Variants in SNX2 observed in about 807,000 individuals in gnomAD.
The protein encoded by SNX2 is sorting nexin 2.
In SNX2, 25 loss-of-function variants were observed where a neutral mutation model predicts 69.9. The ratio of observed to expected loss-of-function variants is 0.36; its 90% CI spans 0.26 to 0.50. SNX2 has a LOEUF of 0.50. Among genes scored for constraint, SNX2 ranks in the 20% least tolerant of loss-of-function variants. The pLI is 0.97. For synonymous variants in SNX2, 229 were observed against 200.4 expected (o/e 1.14, Z -1.20); for missense variants, 551 against 613.3 (o/e 0.90, Z 1.07).
At chr5:122,815,842 G>T in intron 7 of SNX2, 54 bp from the exon 8 acceptor site, 1 of 915,974 alleles carries the variant, frequency 1.1e-6, no homozygotes, top group South Asian at 1.7e-5. Context: ...TCATTTTGTT[G>T]AACTGTAATT....
At chr5:122,804,806 G>A (rs1339806275) in intron 6 of SNX2, among the ~76,000 whole-genome samples, 2 of 152,140 alleles carry the variant, frequency 1.3e-5, no homozygotes, top group African/African-American at 4.8e-5. Flanking sequence ...TGCTTTTTCA[G>A]TCATAGGTTT....
At chr5:122,827,518 G>C (rs751462112) in intron 13 of SNX2, 57 bp from the exon 14 acceptor site, 66 of 1,603,592 alleles carry the variant, frequency 4.1e-5, no homozygotes, top group Non-Finnish European at 5.5e-5. Context: ...CTGCAATTTT[G>C]TGGTAAAGTT....
chr5:122,779,410 CG>C lies in SNX2; in HGVS notation c.108+4200del, dbSNP rs1581621176. On this transcript the variant is annotated intron_variant, in intron 1 of 14. Transcript: ENST00000379516. Reference sequence around the variant, plus strand: ...TATTCTAGACTTTATATGAATGGATCGTATAATACATGGTCTTTTGTGACGG... The same window carrying C: ...TATTCTAGACTTTATATGAATGGATCTATAATACATGGTCTTTTGTGACGG... Among the ~76,000 whole-genome samples the C allele has an allele frequency of 2.6e-5, 4 of 152,150 alleles. No homozygotes were observed. The East Asian group carries it at 7.7e-4, about 29-fold the overall frequency.
At chr5:122,791,779 T>C (rs1753246477) in intron 1 of SNX2, among the ~76,000 whole-genome samples, 1 of 152,248 alleles carries the variant, frequency 6.6e-6, no homozygotes, top group Non-Finnish European at 1.5e-5. Context: ...CTTTGACATA[T>C]CCATCATTAT....
chr5:122,797,494 A>G (rs2150006581), intron 2 of SNX2, among the ~76,000 whole-genome samples: 1 of 152,350 alleles, frequency 6.6e-6, no homozygotes, highest in South Asian at 2.1e-4. Context: ...ATGAATGAGT[A>G]TTACACTTGG....
intron 10 of SNX2, among the ~76,000 whole-genome samples, chr5:122,818,029 A>G (rs976853210): frequency 6.6e-6 from 1 of 152,128 alleles, no homozygotes; most frequent in Admixed American, 6.5e-5. Flanking sequence ...ATTACCAGCA[A>G]TACATTTTAT....
chr5:122,796,364 A>T (rs35073073), intron 2 of SNX2, among the ~76,000 whole-genome samples: 30,319 of 152,068 alleles, frequency 0.2, 3,434 homozygotes, highest in East Asian at 0.46. Flanking sequence ...AAAACTCCAT[A>T]TAATTTACAC....
chr5:122,778,612 A>G (rs1752905334), intron 1 of SNX2, among the ~76,000 whole-genome samples: 1 of 152,036 alleles, frequency 6.6e-6, no homozygotes, highest in Non-Finnish European at 1.5e-5. Context: ...AGGTTCAAGC[A>G]GTTCTCCTGC....
intron 1 of SNX2, among the ~76,000 whole-genome samples, chr5:122,785,223 GCT>G (rs1386989551): frequency 1.3e-5 from 2 of 150,928 alleles, no homozygotes; most frequent in East Asian, 3.9e-4. Flanking sequence ...ATTGATTTCT[GCT>G]CTGTTTTCTT....
At position 122,830,653 on chromosome 5, in the gene SNX2, A is replaced by G. The variant is rs1021313355; in HGVS notation, c.*1005A>G. Among the ~76,000 whole-genome samples the G allele has an allele frequency of 2.0e-5, 3 of 152,180 alleles. No individual in the cohort carries two copies. The highest frequency in any genetic ancestry group is 4.4e-5 in the Non-Finnish European group (3 of 68,036). On this transcript the variant is annotated 3_prime_UTR_variant, in exon 15 of 15. Transcript: ENST00000379516. ...ACTGAAATTTAGTTTGCCTTGGGCA[A>G]TGTTTTTACCCATTCTGTATGCTAC...
intron 8 of SNX2, among the ~76,000 whole-genome samples, chr5:122,816,464 A>C (rs988220492): frequency 8.5e-5 from 13 of 152,194 alleles, no homozygotes; most frequent in Non-Finnish European, 1.8e-4. Flanking sequence ...TCTAGTTTGC[A>C]TTTTTTTCTT....
At chr5:122,821,396 C>G (rs374843336) in intron 11 of SNX2, among the ~76,000 whole-genome samples, 1 of 151,758 alleles carries the variant, frequency 6.6e-6, no homozygotes, top group Non-Finnish European at 1.5e-5. Flanking sequence ...TGTTCTTTGT[C>G]TGCTTTTTAC....
Position 122,775,868 on chromosome 5 carries a change from C to T in SNX2, c.108+657C>T, listed in dbSNP as rs941656050. ...AAGGCAGGATTAGTCCAGGAAACTGCTGTTGTGTGTGTGTGTGTTTTCGAA... is the reference window on the plus strand; with the variant it reads ...AAGGCAGGATTAGTCCAGGAAACTGTTGTTGTGTGTGTGTGTGTTTTCGAA... On this transcript the variant is annotated intron_variant, in intron 1 of 14. Coordinates refer to ENST00000379516, the MANE Select transcript of SNX2 (RefSeq NM_003100.4). The T allele has an allele frequency of 2.5e-5, 19 of 752,944 alleles. No individual in the cohort carries two copies. The African/African-American group carries it at 3.6e-4, about 14-fold the overall frequency. 46.6% of individuals were successfully genotyped at this position (752,944 alleles called of 1,614,324 possible). A position where few individuals can be genotyped will look rare whatever the true frequency, so the allele number is the denominator to read the frequency against.
chr5:122,827,731 G>T, intron 14 of SNX2, 85 bp downstream of exon 14: 1 of 917,472 alleles, frequency 1.1e-6, no homozygotes, highest in South Asian at 1.5e-5. Context: ...TAATGAACTG[G>T]GCATTTAAAC....
At chr5:122,779,435 G>A (rs149159461) in intron 1 of SNX2, among the ~76,000 whole-genome samples, 1 of 152,162 alleles carries the variant, frequency 6.6e-6, no homozygotes, top group African/African-American at 2.4e-5. Flanking sequence ...CTTTTGTGAC[G>A]GGCTTTTTTC....
At chr5:122,815,860 C>A in intron 7 of SNX2, 36 bp from the exon 8 acceptor site, 2 of 1,117,652 alleles carry the variant, frequency 1.8e-6, no homozygotes, top group Admixed American at 2.2e-5. Flanking sequence ...ATTCAAGATG[C>A]TACTGATAAA....
intron 1 of SNX2, among the ~76,000 whole-genome samples, chr5:122,794,405 G>A (rs1439465521): frequency 1.3e-5 from 2 of 152,204 alleles, no homozygotes; most frequent in African/African-American, 4.8e-5. Context: ...TGAAGCGATA[G>A]AAATTTTAGA....
At chr5:122,784,822 C>T (rs1753047179) in intron 1 of SNX2, among the ~76,000 whole-genome samples, 1 of 152,108 alleles carries the variant, frequency 6.6e-6, no homozygotes, top group Non-Finnish European at 1.5e-5. Flanking sequence ...TACGTCTTCC[C>T]TAAATGTTGA....
At chr5:122,806,864 G>C (rs1271787495) in intron 6 of SNX2, among the ~76,000 whole-genome samples, 1 of 152,064 alleles carries the variant, frequency 6.6e-6, no homozygotes, top group Non-Finnish European at 1.5e-5. Flanking sequence ...AACATTAATA[G>C]GTGATTAATA....
Sources: gnomAD v4.1 joint callset for allele counts (sites outside exome capture counted in the v4.1 genomes callset) on GRCh38, gnomAD v4.1.1 for gene constraint, MANE v1.5 for transcripts, NCBI Gene and HGNC (gene_info 2026-07-23, HGNC 2026-07-21) for gene names.